COL5A1: variants seen among roughly 807,000 people sequenced by gnomAD.
COL5A1 encodes the protein collagen type V alpha 1 chain.
A neutral mutation model predicts 263.7 loss-of-function variants in COL5A1; 16 were observed. The observed-to-expected ratio is 0.06, with a 90% CI of 0.04 to 0.09. The LOEUF is 0.09. COL5A1 is among the 10% of genes least tolerant of loss of function. COL5A1 has a pLI of 1.00. For missense variants in COL5A1, 2,036 were observed against 2,540.5 expected, an observed-to-expected ratio of 0.80 and a Z score of 4.27; for synonymous variants, 1,012 against 1,004.5, an observed-to-expected ratio of 1.01 and a Z score of -0.14.
At chr9:134,658,266 C>T (rs530401346) in intron 1 of COL5A1, among the ~76,000 whole-genome samples, 8 of 152,224 alleles carry the variant, frequency 5.3e-5, no homozygotes, top group Non-Finnish European at 8.8e-5. Flanking sequence ...TTCTGGACCC[C>T]GGCCTCCGCA....
chr9:134,812,034 C>T (rs1588578129), intron 46 of COL5A1, among the ~76,000 whole-genome samples: 1 of 152,194 alleles, frequency 6.6e-6, no homozygotes, highest in African/African-American at 2.4e-5. Flanking sequence ...CAGCTTTCCC[C>T]ATTTTCCATC....
intron 42 of COL5A1, chr9:134,808,862 G>A (rs1838402869): frequency 1.4e-5 from 6 of 431,980 alleles, no homozygotes; most frequent in South Asian, 1.1e-4. Context: ...CCACATACAG[G>A]CTCAAGAATT....
intron 27 of COL5A1, among the ~76,000 whole-genome samples, chr9:134,777,890 C>T (rs750452718): frequency 3.3e-5 from 5 of 152,240 alleles, no homozygotes; most frequent in South Asian, 4.1e-4. Context: ...CAGGATCAGA[C>T]GCTGCTGAGC....
intron 11 of COL5A1, among the ~76,000 whole-genome samples, chr9:134,746,778 G>A (rs550427454): frequency 1.3e-5 from 2 of 152,366 alleles, no homozygotes; most frequent in South Asian, 4.1e-4. Flanking sequence ...CATGCAAATA[G>A]CAAAGGCAAG....
intron 23 of COL5A1, 68 bp from the exon 24 acceptor site, chr9:134,767,242 A>T: frequency 6.5e-7 from 1 of 1,539,272 alleles, no homozygotes; most frequent in East Asian, 2.2e-5. Context: ...AGATGGACAG[A>T]TGGCAGGGGA....
At chr9:134,705,156 T>G (rs1184093497) in intron 4 of COL5A1, among the ~76,000 whole-genome samples, 1 of 151,528 alleles carries the variant, frequency 6.6e-6, no homozygotes, top group African/African-American at 2.4e-5. Context: ...GGACTGGGGG[T>G]TTTTCCTGGG....
intron 64 of COL5A1, among the ~76,000 whole-genome samples, chr9:134,834,698 G>A (rs1839780083): frequency 6.6e-6 from 1 of 152,216 alleles, no homozygotes; most frequent in Admixed American, 6.5e-5. Flanking sequence ...AGGCAGCACA[G>A]GTGCCGAGCC....
At chr9:134,751,066 C>T (rs1392908532) in intron 13 of COL5A1, among the ~76,000 whole-genome samples, 184 bp downstream of exon 13, 1 of 151,982 alleles carries the variant, frequency 6.6e-6, no homozygotes, top group Non-Finnish European at 1.5e-5. Context: ...AGTAGGGACC[C>T]CGAGAGCATG....
intron 63 of COL5A1, among the ~76,000 whole-genome samples, chr9:134,828,439 CA>C (rs1839386731): frequency 4.5e-5 from 1 of 22,104 alleles, no homozygotes; most frequent in South Asian, 4.1e-3. Context: ...GGTTCTACCA[CA>C]CACACACACA....
rs1381437226 is a variant in COL5A1, at chr9:134,842,721, C to T, written c.*418C>T. 2 of 244,898 alleles carry T rather than the reference C, an allele frequency of 8.2e-6. No individual in the cohort carries two copies. Among genetic ancestry groups the T allele is most frequent in the Non-Finnish European group, 1.6e-5 (2 of 124,262 alleles). The allele number at this position is 244,898 out of a possible 1,614,324, so 15.2% of individuals were successfully genotyped here. ...ACTTGAAGATGTGTATTTCCCCTGACCTTCAAAAAATGTTCCAAGGTAAGC... is the reference window on the plus strand; with the variant it reads ...ACTTGAAGATGTGTATTTCCCCTGATCTTCAAAAAATGTTCCAAGGTAAGC... On this transcript the variant is annotated 3_prime_UTR_variant, in exon 66 of 66. Coordinates refer to ENST00000371817, the MANE Select transcript of COL5A1 (RefSeq NM_000093.5). This position sits in a 1 kb window ranked among gnomAD's most constrained non-coding sequence, Gnocchi z 5.8.
intron 1 of COL5A1, 93 bp from the exon 2 acceptor site, chr9:134,690,819 G>T: frequency 6.9e-7 from 1 of 1,450,942 alleles, no homozygotes. Context: ...CAGTGGTGGG[G>T]GTGGGGGTGC....
At chr9:134,820,545 G>T (rs367674380) in intron 58 of COL5A1, among the ~76,000 whole-genome samples, 6 of 152,316 alleles carry the variant, frequency 3.9e-5, no homozygotes, top group African/African-American at 1.2e-4. Context: ...GGGAGAGCCT[G>T]TCACCCACCG....
At chr9:134,775,056 G>A in intron 27 of COL5A1, 144 bp downstream of exon 27, 2 of 799,228 alleles carry the variant, frequency 2.5e-6, no homozygotes, top group South Asian at 3.1e-5. Context: ...CCAGTCACTT[G>A]TGTGGACGCT....
At chr9:134,829,917 G>A (rs1028453468) in intron 63 of COL5A1, 59 bp from the exon 64 acceptor site, 55 of 1,556,644 alleles carry the variant, frequency 3.5e-5, no homozygotes, top group African/African-American at 9.5e-5. Flanking sequence ...TCTGGAGGCC[G>A]GAGAAGTAAC....
At chr9:134,689,048 G>A (rs1398803271) in intron 1 of COL5A1, among the ~76,000 whole-genome samples, 2 of 152,180 alleles carry the variant, frequency 1.3e-5, no homozygotes, top group East Asian at 1.9e-4. Context: ...CAGTGCCCGC[G>A]CTGAGTCCCC....
chr9:134,826,522 ATGTGGATGAGTG>A (rs1408709281), intron 63 of COL5A1, among the ~76,000 whole-genome samples: 2 of 151,318 alleles, frequency 1.3e-5, no homozygotes, highest in African/African-American at 2.4e-5. Context: ...GTGTGGGCAC[ATGTGGATGAGTG>A]TGTGGATGGG....
chr9:134,714,612 T>G, intron 4 of COL5A1, among the ~76,000 whole-genome samples: 1 of 133,428 alleles, frequency 7.5e-6, no homozygotes, highest in Admixed American at 7.5e-5. Context: ...GATGGTGTGA[T>G]GCTGATGAAG....
chr9:134,652,966 C>A lies in COL5A1; in HGVS notation c.109+10670C>A. On this transcript the variant is annotated intron_variant, in intron 1 of 65. Coordinates refer to ENST00000371817, the MANE Select transcript of COL5A1 (RefSeq NM_000093.5). This position sits in a 1 kb window ranked among gnomAD's most constrained non-coding sequence, Gnocchi z 4.4. ...GTCTGGGGGTGCCACACTTTGCAAA[C>A]CACGAGTCGTTCTGCGTCCTCGAGC... 1 of 289,146 alleles carries A rather than the reference C, an allele frequency of 3.5e-6. No individual in the cohort carries two copies. Among genetic ancestry groups the A allele is most frequent in the Non-Finnish European group, 7.0e-6 (1 of 142,814 alleles). 17.9% of individuals were successfully genotyped at this position (289,146 alleles called of 1,614,324 possible).
intron 2 of COL5A1, among the ~76,000 whole-genome samples, chr9:134,692,561 C>T (rs985852855): frequency 6.6e-6 from 1 of 152,158 alleles, no homozygotes; most frequent in African/African-American, 2.4e-5. Context: ...CCGAGGACCA[C>T]ATGGACTCTG....
Sources: allele counts gnomAD v4.1 joint callset (sites outside exome capture counted in the v4.1 genomes callset), GRCh38; gene constraint gnomAD v4.1.1; non-coding constraint Gnocchi (gnomAD v3.1); transcripts MANE v1.5; gene names NCBI Gene and HGNC (gene_info 2026-07-23, HGNC 2026-07-21).